MYH15: variants seen among roughly 807,000 people sequenced by gnomAD.
MYH15 encodes myosin heavy chain 15.
In MYH15, 227 loss-of-function variants were observed where a neutral mutation model predicts 240.5. The observed-to-expected ratio is 0.94, with a 90% CI of 0.85 to 1.05. MYH15 has a LOEUF of 1.05. Among genes scored for constraint, MYH15 ranks in the 50% least tolerant of loss-of-function variants. MYH15 has a pLI of 0.00. For synonymous variants in MYH15, 785 were observed against 796.7 expected, an observed-to-expected ratio of 0.99 and a Z score of 0.25; for missense variants, 2,217 against 2,247.5, an observed-to-expected ratio of 0.99 and a Z score of 0.27.
intron 24 of MYH15, among the ~76,000 whole-genome samples, chr3:108,437,995 T>C (rs947743360): frequency 8.5e-5 from 13 of 152,204 alleles, no homozygotes; most frequent in African/African-American, 3.1e-4. Flanking sequence ...TTTCCAATGA[T>C]AGGAAGCTCA....
chr3:108,403,850 T>G (rs1456921805), intron 33 of MYH15, among the ~76,000 whole-genome samples: 5 of 152,134 alleles, frequency 3.3e-5, no homozygotes. Context: ...GCACTAAGAT[T>G]ATTATAATTG....
At chr3:108,453,118 T>G (rs2082988717) in intron 21 of MYH15, among the ~76,000 whole-genome samples, 1 of 152,198 alleles carries the variant, frequency 6.6e-6, no homozygotes, top group South Asian at 2.1e-4. Context: ...GGCTTCACTT[T>G]AGACATGAAG....
chr3:108,550,968 A>G, the MYH15 span: 1 of 369,922 alleles, frequency 2.7e-6, no homozygotes, highest in South Asian at 1.4e-4. Flanking sequence ...AAACTTAGAA[A>G]ATTAAATTTC....
intron 21 of MYH15, among the ~76,000 whole-genome samples, chr3:108,449,086 G>T (rs2082952043): frequency 6.6e-6 from 1 of 151,932 alleles, no homozygotes; most frequent in South Asian, 2.1e-4. Context: ...ATTGATAAAA[G>T]AAATTGAAGA....
At chr3:108,415,243 T>A (rs1576219101) in intron 29 of MYH15, among the ~76,000 whole-genome samples, 1 of 152,128 alleles carries the variant, frequency 6.6e-6, no homozygotes, top group South Asian at 2.1e-4. Flanking sequence ...GGTCCTCAAG[T>A]GTCCTTTATG....
intron 2 of MYH15, 22 bp from the exon 3 acceptor site, chr3:108,501,877 A>G (rs372284644): frequency 4.5e-5 from 72 of 1,610,124 alleles, no homozygotes; most frequent in Non-Finnish European, 5.8e-5. Flanking sequence ...AGAAAAATAT[A>G]TGATATATTC....
chr3:108,515,841 T>C (rs903430924), intron 1 of MYH15, among the ~76,000 whole-genome samples: 2 of 152,122 alleles, frequency 1.3e-5, no homozygotes, highest in African/African-American at 4.8e-5. Context: ...GATGGTACCA[T>C]GGGGAAGTAA....
chr3:108,396,073 T>G (rs2082458645), intron 35 of MYH15, among the ~76,000 whole-genome samples: 1 of 152,158 alleles, frequency 6.6e-6, no homozygotes, highest in African/African-American at 2.4e-5. Context: ...ACATCAAGTT[T>G]CAGAAACTCT....
intron 9 of MYH15, among the ~76,000 whole-genome samples, chr3:108,490,444 G>A (rs1347031053): frequency 6.6e-6 from 1 of 152,166 alleles, no homozygotes; most frequent in Non-Finnish European, 1.5e-5. Context: ...TACCTCAAAT[G>A]CAATACCTCG....
Position 108,486,532 on chromosome 3 carries a change from G to A in MYH15, c.872-6C>T. On this transcript the variant is annotated splice_polypyrimidine_tract_variant and splice_region_variant and intron_variant, in intron 9 of 40. Transcript: ENST00000693548. ...TGCAGATACCAGGAGCAGGTCTAGA[G>A]TGGGAAAACGATTCGTTAAACAGCT... 1 of 1,587,996 alleles carries A rather than the reference G, an allele frequency of 6.3e-7. No individual in the cohort carries two copies. Among genetic ancestry groups the A allele is most frequent in the African/African-American group, 1.3e-5 (1 of 74,612 alleles).
intron 9 of MYH15, among the ~76,000 whole-genome samples, chr3:108,491,269 C>T (rs745805282): frequency 5.9e-5 from 9 of 152,136 alleles, no homozygotes; most frequent in Non-Finnish European, 5.9e-5. Flanking sequence ...CTGTCTACCT[C>T]GTTCACCACT....
rs1323407124 is a variant in MYH15 at position 108,470,850 on chromosome 3, A to G, written c.1234-3T>C. 2.5e-6 allele frequency: 4 copies of G among 1,612,962 alleles called. No individual in the cohort carries two copies. Among genetic ancestry groups the G allele is most frequent in the Non-Finnish European group, 3.4e-6 (4 of 1,179,362 alleles). ...AGGGCACCGACAGCACAGGTTACCT[A>G]GAAATCACATTGAAAACACTCCTTC... On this transcript the variant is annotated splice_polypyrimidine_tract_variant and splice_region_variant and intron_variant, in intron 12 of 40. Transcript: ENST00000693548.
intron 25 of MYH15, among the ~76,000 whole-genome samples, chr3:108,433,591 T>G (rs1481923797): frequency 6.6e-6 from 1 of 152,246 alleles, no homozygotes; most frequent in East Asian, 1.9e-4. Flanking sequence ...TGGGAGGTAA[T>G]TGAATCATGG....
intron 37 of MYH15, 116 bp from the exon 38 acceptor site, chr3:108,389,190 T>G: frequency 1.2e-6 from 1 of 805,700 alleles, no homozygotes; most frequent in Non-Finnish European, 2.0e-6. Flanking sequence ...GCACACACTG[T>G]TTTTGGTGCT....
intron 38 of MYH15, among the ~76,000 whole-genome samples, chr3:108,387,474 G>A (rs1269019201): frequency 1.3e-5 from 2 of 152,072 alleles, no homozygotes; most frequent in African/African-American, 4.8e-5. Flanking sequence ...TTACAATGAA[G>A]AAACAAAGGT....
chr3:108,526,299 T>C (rs773528284), intron 1 of MYH15, among the ~76,000 whole-genome samples: 2 of 152,212 alleles, frequency 1.3e-5, no homozygotes, highest in Non-Finnish European at 1.5e-5. Context: ...TATTTGCACA[T>C]AGAGCTTCTA....
chr3:108,403,461 G>A (rs1216311319), intron 33 of MYH15, among the ~76,000 whole-genome samples: 1 of 149,894 alleles, frequency 6.7e-6, no homozygotes, highest in Non-Finnish European at 1.5e-5. Flanking sequence ...TAACTTCCCT[G>A]GCTTATCGTT....
At chr3:108,462,608 A>G (rs542483481) in intron 16 of MYH15, among the ~76,000 whole-genome samples, 4 of 152,106 alleles carry the variant, frequency 2.6e-5, no homozygotes, top group Non-Finnish European at 5.9e-5. Context: ...ACTACTAAAC[A>G]AGATTAGTTG....
intron 9 of MYH15, 113 bp from the exon 10 acceptor site, chr3:108,486,639 G>T: frequency 1.7e-6 from 1 of 594,622 alleles, no homozygotes; most frequent in Non-Finnish European, 2.8e-6. Context: ...TTGTAAACAA[G>T]CCAAAATAAA....
Sources: allele counts gnomAD v4.1 joint callset (sites outside exome capture counted in the v4.1 genomes callset), GRCh38; gene constraint gnomAD v4.1.1; transcripts MANE v1.5; gene names NCBI Gene and HGNC (gene_info 2026-07-23, HGNC 2026-07-21).